The following SKP2 variants were observed in gnomAD, a reference collection of about 807,000 sequenced individuals.
SKP2 encodes S-phase kinase-associated protein 2.
In SKP2, 16 loss-of-function variants were observed where a neutral mutation model predicts 51.8. The observed-to-expected ratio is 0.31, with a 90% CI of 0.21 to 0.47. The LOEUF (loss-of-function observed/expected upper bound fraction) is 0.47. SKP2 is among the 20% of genes least tolerant of loss of function. The pLI is 1.00. For synonymous variants in SKP2, 176 were observed against 198.6 expected, an observed-to-expected ratio of 0.89 and a Z score of 0.96; for missense variants, 377 against 505.3, an observed-to-expected ratio of 0.75 and a Z score of 2.43.
At chr5:36,171,347 G>A (rs959613821) in intron 6 of SKP2, among the ~76,000 whole-genome samples, 6 of 152,150 alleles carry the variant, frequency 3.9e-5, no homozygotes, top group Non-Finnish European at 8.8e-5. Flanking sequence ...CTGGAATAAG[G>A]TTTGAGCCAT....
At chr5:36,169,837 C>A (rs774178917) in intron 5 of SKP2, among the ~76,000 whole-genome samples, 1 of 152,122 alleles carries the variant, frequency 6.6e-6, no homozygotes, top group Admixed American at 6.5e-5. Flanking sequence ...GTGGCTGAAC[C>A]AACATGTGAA....
chr5:36,169,562 A>G (rs1745403559), intron 5 of SKP2, among the ~76,000 whole-genome samples: 1 of 152,246 alleles, frequency 6.6e-6, no homozygotes, highest in African/African-American at 2.4e-5. Flanking sequence ...GGGTCCATCG[A>G]GGATAGAAGA....
intron 9 of SKP2, among the ~76,000 whole-genome samples, chr5:36,180,803 A>G (rs914573971): frequency 6.6e-6 from 1 of 152,184 alleles, no homozygotes; most frequent in Non-Finnish European, 1.5e-5. Flanking sequence ...ATTATTGACA[A>G]TGTGAAAATA....
In SKP2 at chr5:36,160,376, C is replaced by T. The variant is rs374295490; in HGVS notation, c.281-3269C>T. Among the ~76,000 whole-genome samples the T allele has an allele frequency of 9.2e-5, 14 of 152,324 alleles. No homozygotes were observed. The East Asian group carries it at 2.7e-3, about 29-fold the overall frequency. On this transcript the variant is annotated intron_variant, in intron 2 of 9. Transcript: ENST00000274255. ...CTTCCTCCAGGAAGGCTTCCTTAAC[C>T]TCTGCACCATTCCCATGTGCTGCAC...
intron 2 of SKP2, among the ~76,000 whole-genome samples, chr5:36,155,437 A>G (rs1022590032): frequency 6.6e-6 from 1 of 152,156 alleles, no homozygotes; most frequent in African/African-American, 2.4e-5. Flanking sequence ...TTATCTGTGA[A>G]ATGGAGTGCT....
At position 36,168,432 on chromosome 5, in the gene SKP2, C is replaced by T. The variant is rs761652334; in HGVS notation, c.656C>T (p.Ser219Leu). 6 of 1,614,076 alleles carry T rather than the reference C, an allele frequency of 3.7e-6. No homozygotes were observed. Among genetic ancestry groups the T allele is most frequent in the African/African-American group, 1.3e-5 (1 of 74,928 alleles). ...QNLSLEGLRL[S>L]DPIVNTLAKN... The stretch of plus-strand genomic sequence containing the variant: ...CTAAGCCTGGAAGGCCTGCGGCTTT[C>T]GGATCCCATTGTCAAGTGAGTGGCA... The change falls in exon 5 of 10, where the codon TCG (serine) becomes TTG (leucine). Residue 219 changes from serine to leucine, a missense_variant. Coordinates refer to ENST00000274255, the MANE Select transcript of SKP2 (RefSeq NM_005983.4).
chr5:36,161,017 C>T (rs577200293), intron 2 of SKP2, among the ~76,000 whole-genome samples: 1 of 152,192 alleles, frequency 6.6e-6, no homozygotes, highest in Non-Finnish European at 1.5e-5. Context: ...CAAGAGAGGC[C>T]ACTTCCTCCA....
At chr5:36,163,908 C>T (rs1443672553) in intron 3 of SKP2, 152 bp downstream of exon 3, 2 of 611,904 alleles carry the variant, frequency 3.3e-6, no homozygotes, top group East Asian at 2.8e-5. Context: ...TCAGTGTCCT[C>T]ATTTCACAGT....
intron 2 of SKP2, 122 bp downstream of exon 2, chr5:36,153,164 A>G: frequency 2.3e-6 from 2 of 868,470 alleles, no homozygotes; most frequent in East Asian, 2.6e-5. Flanking sequence ...TTCTGAAGCT[A>G]TTTTTCAACA....
intron 1 of SKP2, among the ~76,000 whole-genome samples, chr5:36,152,532 C>T (rs551914682): frequency 6.6e-6 from 1 of 152,252 alleles, no homozygotes; most frequent in Admixed American, 6.5e-5. Context: ...TTGTCTGTTC[C>T]CTCCACTGGG....
At position 36,177,019 on chromosome 5, in the gene SKP2, AT is replaced by A. The variant is rs757211143; in HGVS notation, c.953+10del. 1.3e-5 allele frequency: 21 copies of A among 1,574,514 alleles called. No individual in the cohort carries two copies. The highest frequency in any genetic ancestry group is 1.2e-4 in the Admixed American group (7 of 58,670). On this transcript the variant is annotated splice_donor_region_variant and intron_variant, in intron 8 of 9. Coordinates refer to ENST00000274255, the MANE Select transcript of SKP2 (RefSeq NM_005983.4). ...AATCTTGTCCATCTAGACTTAAGGT[AT>A]TTTTTTATTTGTTTATTTTAGATCA... is the stretch of plus-strand genomic sequence containing the variant.
rs1361551605 is a variant in SKP2, at chr5:36,183,405, T to C, written c.*1374T>C. 1.3e-5 allele frequency: 3 copies of C among 237,858 alleles called. No homozygotes were observed. Among genetic ancestry groups the C allele is most frequent in the South Asian group, 1.5e-4 (1 of 6,506 alleles). The allele number at this position is 237,858 out of a possible 1,614,324, so 14.7% of individuals were successfully genotyped here. ...CCTCAGCCTCCCGACTAGCTGGGAC[T>C]ACAGGCGCCCACCACCACGCCCGGC... On this transcript the variant is annotated 3_prime_UTR_variant, in exon 10 of 10. Transcript: ENST00000274255.
rs1744951816 is a variant in SKP2, at chr5:36,156,511, C to G, written c.280+3469C>G. On this transcript the variant is annotated intron_variant, in intron 2 of 9. Transcript: ENST00000274255. ...CCGTTTATCTGGGAAGATGAAAGCT[C>G]TGTGGCCAACCTGTACTAGAACAGG... 2.6e-5 allele frequency among the ~76,000 whole-genome samples: 4 copies of G among 152,284 alleles called. No individual in the cohort carries two copies. In the South Asian group the frequency reaches 8.3e-4, roughly 32 times the overall value.
intron 6 of SKP2, 76 bp from the exon 7 acceptor site, chr5:36,171,526 TC>T: frequency 7.7e-7 from 1 of 1,291,874 alleles, no homozygotes; most frequent in East Asian, 2.3e-5. Flanking sequence ...TTTTATATTT[TC>T]TTTGTTTGCA....
At chr5:36,159,585 C>A (rs1397931821) in intron 2 of SKP2, among the ~76,000 whole-genome samples, 1 of 152,200 alleles carries the variant, frequency 6.6e-6, no homozygotes, top group Non-Finnish European at 1.5e-5. Context: ...TAGTGACCAA[C>A]AGCAATTGAT....
At chr5:36,184,822 C>T (rs919456638), downstream of SKP2, among the ~76,000 whole-genome samples, 1 of 152,202 alleles carries the variant, frequency 6.6e-6, no homozygotes, top group Non-Finnish European at 1.5e-5. Flanking sequence ...GTTCTAGATC[C>T]TTGAGGAATC....
At chr5:36,166,725 CTTTT>C in intron 4 of SKP2, 63 bp downstream of exon 4, 3 of 902,360 alleles carry the variant, frequency 3.3e-6, no homozygotes, top group South Asian at 1.7e-5. Context: ...CAGATCAAAG[CTTTT>C]TTTTTTTTTT....
At chr5:36,172,956 C>A (rs1745520232) in intron 7 of SKP2, among the ~76,000 whole-genome samples, 1 of 151,424 alleles carries the variant, frequency 6.6e-6, no homozygotes, top group South Asian at 2.1e-4. Flanking sequence ...GTTATACAGT[C>A]ATTTAAAAAA....
intron 6 of SKP2, among the ~76,000 whole-genome samples, chr5:36,190,188 C>G (rs1745994325): frequency 6.6e-6 from 1 of 151,970 alleles, no homozygotes; most frequent in African/African-American, 2.4e-5. Context: ...GATGCCTCAC[C>G]CTGCTTCAGC....
Sources: gnomAD v4.1 joint callset for allele counts (sites outside exome capture counted in the v4.1 genomes callset) on GRCh38, gnomAD v4.1.1 for gene constraint, MANE v1.5 for transcripts, NCBI Gene and HGNC (gene_info 2026-07-23, HGNC 2026-07-21) for gene names.